Variants in MYO1G observed in about 807,000 individuals in gnomAD.
The protein encoded by MYO1G is myosin IG, also known as unconventional myosin-Ig.
In MYO1G, 65 loss-of-function variants were observed where a neutral mutation model predicts 115.3. The ratio of observed to expected loss-of-function variants is 0.56; its 90% CI spans 0.46 to 0.69. The LOEUF is 0.69. Ranked by LOEUF, MYO1G falls within the 30% of genes least tolerant of loss-of-function variation. The probability of loss-of-function intolerance (pLI) is 0.00; values close to 1 mark genes in which losing one functional copy is unlikely to be tolerated. For missense variants in MYO1G, 1,204 were observed against 1,393.5 expected, an observed-to-expected ratio of 0.86 and a Z score of 2.16; for synonymous variants, 510 against 552.6, an observed-to-expected ratio of 0.92 and a Z score of 1.08.
chr7:44,964,913 C>T lies in MYO1G; in HGVS notation c.2526+32G>A. 6.3e-7 allele frequency: 1 copy of T among 1,578,984 alleles called. No individual in the cohort carries two copies. On this transcript the variant is annotated intron_variant, in intron 18 of 21. Transcript: ENST00000258787. The surrounding 1 kb of genome is among the most constrained non-coding windows in gnomAD (Gnocchi z 5.1). ...GAGCCCTCTTTGGCAGCCCACTTCC[C>T]CCTGGCAGCCCTGGACTCGCCTGGC...
Position 44,965,709 on chromosome 7 carries a change from C to A in MYO1G, c.2309G>T (p.Arg770Leu). Residue 770 changes from arginine (R) to leucine (L), a missense_variant, in exon 17 of 22, where the codon CGT becomes CTT. Physicochemically the swap from Arg to Leu is moderately radical, Grantham distance 102. Coordinates refer to ENST00000258787, the MANE Select transcript of MYO1G (RefSeq NM_033054.3). ...AGGGGGCAGCGGCCACACAAGGTCA[C>A]GCCCGTAGAGTGGCGGCTGCCTTGC... ...QAARQPPLYG[R>L]DLVWPLPPAV... is the part of the protein sequence containing the mutation. 2.5e-6 allele frequency: 4 copies of A among 1,613,080 alleles called. No homozygotes were observed. Among genetic ancestry groups the A allele is most frequent in the Non-Finnish European group, 3.4e-6 (4 of 1,180,016 alleles).
rs1794785488 is a variant in MYO1G, at chr7:44,963,476, C to T, written c.2746-352G>A. 1 of 282,654 alleles carries T rather than the reference C, an allele frequency of 3.5e-6. No individual in the cohort carries two copies. Among genetic ancestry groups the T allele is most frequent in the Admixed American group, 5.0e-5 (1 of 19,964 alleles). 17.5% of individuals were successfully genotyped at this position (282,654 alleles called of 1,614,324 possible). ...GGTCACTTTCACTGCATTTAAACAA[C>T]CACGCCGGCTTTGGGCTGTGGCATT... is the stretch of plus-strand genomic sequence containing the variant. On this transcript the variant is annotated intron_variant, in intron 20 of 21. Coordinates refer to ENST00000258787, the MANE Select transcript of MYO1G (RefSeq NM_033054.3). This position sits in a 1 kb window ranked among gnomAD's most constrained non-coding sequence, Gnocchi z 4.1.
intron 1 of MYO1G, among the ~76,000 whole-genome samples, 194 bp downstream of exon 1, chr7:44,978,673 C>T (rs1795126853): frequency 6.6e-6 from 1 of 152,204 alleles, no homozygotes; most frequent in Admixed American, 6.5e-5. Flanking sequence ...GGACAGTTGC[C>T]TCCTTGTCTG....
chr7:44,978,987 C>T lies in MYO1G; in HGVS notation c.-26G>A, dbSNP rs546042239. On this transcript the variant is annotated 5_prime_UTR_variant, in exon 1 of 22. Transcript: ENST00000258787. ...CCTGCCGGCTGGAAACACCTTGCCTCACCTTCCTGTGCCTGCTGGAAGGAC... is the reference window on the plus strand; with the variant it reads ...CCTGCCGGCTGGAAACACCTTGCCTTACCTTCCTGTGCCTGCTGGAAGGAC... The T allele has an allele frequency of 7.8e-5, 126 of 1,610,906 alleles. No individual in the cohort carries two copies. In the South Asian group the frequency reaches 1.2e-3, roughly 16 times the overall value.
At chr7:44,972,521 C>T in intron 5 of MYO1G, 1 of 393,908 alleles carries the variant, frequency 2.5e-6, no homozygotes, top group Admixed American at 3.7e-5. Context: ...TTGCCCTCGA[C>T]CCAGGGGGAT....
chr7:44,972,189 G>C lies in MYO1G; in HGVS notation c.655C>G (p.Leu219Val). ...RGSEDKQLHE[L>V]HLERNPAVYN... Reference sequence around the variant, plus strand: ...ACAGCAGGGTTTCTCTCCAAGTGCAGTTCATGCAGCTGCTTGTCCTCACTG... The same window carrying C: ...ACAGCAGGGTTTCTCTCCAAGTGCACTTCATGCAGCTGCTTGTCCTCACTG... The change falls in exon 6 of 22, where the codon CTG (leucine) becomes GTG (valine). Residue 219 changes from leucine to valine, a missense_variant. Physicochemically the swap from Leu to Val is conservative, Grantham distance 32. Coordinates refer to ENST00000258787, the MANE Select transcript of MYO1G (RefSeq NM_033054.3). 1 of 1,614,102 alleles carries C rather than the reference G, an allele frequency of 6.2e-7. No homozygotes were observed. The highest frequency in any genetic ancestry group is 8.5e-7 in the Non-Finnish European group (1 of 1,179,990).
At chr7:44,975,801 A>G in intron 3 of MYO1G, 152 bp from the exon 4 acceptor site, 2 of 853,666 alleles carry the variant, frequency 2.3e-6, no homozygotes, top group East Asian at 5.5e-5. Context: ...GGCCTCGCCC[A>G]GTGTTGCCTC....
Position 44,972,143 on chromosome 7 carries a change from C to T in MYO1G, c.701G>A (p.Gly234Glu), listed in dbSNP as rs1193038507. Reference protein sequence around the residue: ...NPAVYNFTHQGAGLNMTVHSA... With the variant: ...NPAVYNFTHQEAGLNMTVHSA... ...GTGCACAGTCATGTTGAGTCCTGCT[C>T]CCTGGTGTGTGAAATTGTATACAGC... Residue 234 changes from glycine to glutamate, a missense_variant, in exon 6 of 22, where the codon GGA becomes GAA. Transcript: ENST00000258787. 1 of 1,614,076 alleles carries T rather than the reference C, an allele frequency of 6.2e-7. No individual in the cohort carries two copies. Among genetic ancestry groups the T allele is most frequent in the Non-Finnish European group, 8.5e-7 (1 of 1,179,974 alleles).
Position 44,966,677 on chromosome 7 carries a change from C to T in MYO1G, c.1944G>A (p.Leu648=). Residue 648 remains leucine (L), a synonymous_variant, in exon 15 of 22, where the codon CTG becomes CTA. Transcript: ENST00000258787. The surrounding 1 kb of genome is among the most constrained non-coding windows in gnomAD (Gnocchi z 5.0). The part of the protein sequence containing the change: ...FASRQPYSRF[L]LRYKMTCEYT... Reference sequence around the variant, plus strand: ...TGGGTGTCAGGTGCCAGTACCTGAGCAGGAATCGAGAGTAGGGCTGGCGGG... The same window carrying T: ...TGGGTGTCAGGTGCCAGTACCTGAGTAGGAATCGAGAGTAGGGCTGGCGGG... The T allele has an allele frequency of 6.8e-6, 11 of 1,613,156 alleles. No homozygotes were observed. The highest frequency in any genetic ancestry group is 9.3e-6 in the Non-Finnish European group (11 of 1,179,990).
Position 44,975,573 on chromosome 7 carries a change from A to T in MYO1G, c.475T>A (p.Ser159Thr). Reference sequence around the variant, plus strand: ...TCCATGTACTTGCCAAAGCGGCTGGAGTTGTGATTGCGGTTGGTGCGGGCA... The same window carrying T: ...TCCATGTACTTGCCAAAGCGGCTGGTGTTGTGATTGCGGTTGGTGCGGGCA... ...GNARTNRNHN[S>T]SRFGKYMDIN... The change falls in exon 4 of 22, where the codon TCC (serine) becomes ACC (threonine). Residue 159 changes from serine to threonine, a missense_variant. By Grantham distance (58) the Ser-to-Thr change is moderately conservative (BLOSUM62 1). Transcript: ENST00000258787. 6.2e-7 allele frequency: 1 copy of T among 1,613,924 alleles called. No individual in the cohort carries two copies. Among genetic ancestry groups the T allele is most frequent in the Non-Finnish European group, 8.5e-7 (1 of 1,179,932 alleles).
intron 1 of MYO1G, among the ~76,000 whole-genome samples, chr7:44,978,112 C>G (rs1237158450): frequency 2.0e-5 from 3 of 152,164 alleles, no homozygotes; most frequent in Admixed American, 2.0e-4. Context: ...TAGTGGGGAT[C>G]CTGGTCCCCA....
At chr7:44,971,088 G>T in intron 7 of MYO1G, 29 bp from the exon 8 acceptor site, 1 of 1,578,994 alleles carries the variant, frequency 6.3e-7, no homozygotes. Context: ...TGAACAGTCC[G>T]GGCTCCATGT....
rs1583783022 is a variant in MYO1G at position 44,964,014 on chromosome 7, G to C, written c.2745+35C>G. ...GAGCAGCCCAGCAGTGCCCCTCACAGATGCTGCACCCTACTCCCCACCCAC... is the reference window on the plus strand; with the variant it reads ...GAGCAGCCCAGCAGTGCCCCTCACACATGCTGCACCCTACTCCCCACCCAC... On this transcript the variant is annotated intron_variant, in intron 20 of 21. Transcript: ENST00000258787. This position sits in a 1 kb window ranked among gnomAD's most constrained non-coding sequence, Gnocchi z 5.1. 6.6e-7 allele frequency: 1 copy of C among 1,508,990 alleles called. No individual in the cohort carries two copies. The highest frequency in any genetic ancestry group is 2.0e-5 in the Admixed American group (1 of 51,172). The allele number at this position is 1,508,990 out of a possible 1,614,324, so 93.5% of individuals were successfully genotyped here.
At position 44,964,252 on chromosome 7, in the gene MYO1G, C is replaced by G; in HGVS notation, c.2632-90G>C. 5 of 1,338,324 alleles carry G rather than the reference C, an allele frequency of 3.7e-6. No homozygotes were observed. Among genetic ancestry groups the G allele is most frequent in the Non-Finnish European group, 5.3e-6 (5 of 951,966 alleles). 82.9% of individuals were successfully genotyped at this position (1,338,324 alleles called of 1,614,324 possible). On this transcript the variant is annotated intron_variant, in intron 19 of 21. Transcript: ENST00000258787. This position sits in a 1 kb window ranked among gnomAD's most constrained non-coding sequence, Gnocchi z 5.1. ...GGCAGTCCCTACTGCCTCCCCTCCC[C>G]GCTGGCGACAGTTTTGGGAGTGTCA...
chr7:44,976,400 C>T (rs1231120903), intron 3 of MYO1G, among the ~76,000 whole-genome samples, 164 bp downstream of exon 3: 4 of 152,202 alleles, frequency 2.6e-5, no homozygotes, highest in African/African-American at 9.7e-5. Context: ...CCTGTCTCAC[C>T]TCCGGGTGTG....
chr7:44,967,581 G>C (rs1794869522), intron 14 of MYO1G, 24 bp downstream of exon 14: 2 of 1,613,526 alleles, frequency 1.2e-6, no homozygotes, highest in East Asian at 4.5e-5. Context: ...GGAACAGCCA[G>C]AGTGGGAGAG....
rs200200271 is a variant in MYO1G, at chr7:44,967,735, G to A, written c.1652C>T (p.Thr551Met). The change falls in exon 14 of 22, where the codon ACG (threonine) becomes ATG (methionine). Residue 551 changes from threonine to methionine, a missense_variant and splice_region_variant. Thr to Met is a moderately conservative substitution (Grantham distance 81). Coordinates refer to ENST00000258787, the MANE Select transcript of MYO1G (RefSeq NM_033054.3). ...QDFKRLLYNSTDPTLRAMWPD... is the reference protein window; with the variant it reads ...QDFKRLLYNSMDPTLRAMWPD... ...CCACATGGCCCGTAGAGTGGGGTCC[G>A]TGCTGCAGACACAGGCCGAATTCCC... 2.6e-5 allele frequency: 42 copies of A among 1,613,376 alleles called. No homozygotes were observed. The highest frequency in any genetic ancestry group is 1.2e-4 in the Admixed American group (7 of 60,030).
chr7:44,969,992 C>A lies in MYO1G; in HGVS notation c.1332+48G>T, dbSNP rs201905410. 373 of 1,598,310 alleles carry A rather than the reference C, an allele frequency of 2.3e-4. 1 individual carries two copies. The East Asian group carries it at 7.1e-3, about 30-fold the overall frequency. On this transcript the variant is annotated intron_variant, in intron 10 of 21. Coordinates refer to ENST00000258787, the MANE Select transcript of MYO1G (RefSeq NM_033054.3). The surrounding 1 kb of genome is among the most constrained non-coding windows in gnomAD (Gnocchi z 5.0). ...CCGGGCCCCTCCCCATGGGCTGAGG[C>A]CCCTCCACACCCCACTGCCTGGCCT...
In MYO1G at chr7:44,965,955, C is replaced by T. The variant is rs552089438; in HGVS notation, c.2158-95G>A. The stretch of plus-strand genomic sequence containing the variant: ...GGCCCTGAGCATTTATTGAGCACTC[C>T]CTGGCCTGTCTCCATCAAGCAGAGA... On this transcript the variant is annotated intron_variant, in intron 16 of 21. Coordinates refer to ENST00000258787, the MANE Select transcript of MYO1G (RefSeq NM_033054.3). The T allele has an allele frequency of 7.2e-6, 11 of 1,537,778 alleles. No individual in the cohort carries two copies. In the African/African-American group the frequency reaches 1.4e-4, roughly 19 times the overall value.
Sources: gnomAD v4.1 joint callset for allele counts (sites outside exome capture counted in the v4.1 genomes callset) on GRCh38, gnomAD v4.1.1 for gene constraint, Gnocchi (gnomAD v3.1) non-coding constraint, MANE v1.5 for transcripts, NCBI Gene and HGNC (gene_info 2026-07-23, HGNC 2026-07-21) for gene names.